SPATA16: variants seen among roughly 807,000 people sequenced by gnomAD.
The protein encoded by SPATA16 is spermatogenesis-associated protein 16.
SPATA16 carries 36 observed loss-of-function variants against 63.3 expected under a neutral mutation model. That is an observed-to-expected ratio of 0.57 (90% confidence interval 0.44 to 0.75). The LOEUF (loss-of-function observed/expected upper bound fraction) is 0.75. SPATA16 is among the 30% of genes least tolerant of loss of function. The pLI is 0.00. For missense variants in SPATA16, 646 were observed against 679.3 expected (o/e 0.95, Z 0.54); for synonymous variants, 203 against 216.7 (o/e 0.94, Z 0.56).
At chr3:172,948,537 G>A (rs1733350469) in intron 6 of SPATA16, among the ~76,000 whole-genome samples, 1 of 152,046 alleles carries the variant, frequency 6.6e-6, no homozygotes, top group African/African-American at 2.4e-5. Flanking sequence ...CTGTGATCAT[G>A]GCTCACTGCA....
intron 4 of SPATA16, among the ~76,000 whole-genome samples, chr3:173,016,287 A>G (rs1577133155): frequency 6.6e-6 from 1 of 152,186 alleles, no homozygotes; most frequent in South Asian, 2.1e-4. Context: ...TGTAAACCTG[A>G]TATCTTCCCT....
At chr3:173,020,158 A>T (rs930748408) in intron 3 of SPATA16, among the ~76,000 whole-genome samples, 4 of 152,026 alleles carry the variant, frequency 2.6e-5, no homozygotes, top group Non-Finnish European at 2.9e-5. Flanking sequence ...TTAGCCAGGC[A>T]TGGTGGCAGG....
At position 173,018,798 on chromosome 3, in the gene SPATA16, C is replaced by T. The variant is rs571592069; in HGVS notation, c.848+688G>A. ...GATGAGGAAGAAATAACAGGCACCT[C>T]TACATTAGGAAATAAGGAAAATTAT... On this transcript the variant is annotated intron_variant, in intron 4 of 10. Transcript: ENST00000351008. Among the ~76,000 whole-genome samples, 6 of 152,138 alleles carry T rather than the reference C, an allele frequency of 3.9e-5. No individual in the cohort carries two copies. In the South Asian group the frequency reaches 1.2e-3, roughly 32 times the overall value.
intron 4 of SPATA16, among the ~76,000 whole-genome samples, chr3:172,988,790 T>C (rs2108259290): frequency 6.6e-6 from 1 of 152,078 alleles, no homozygotes; most frequent in East Asian, 1.9e-4. Flanking sequence ...GTGCCCACCA[T>C]CACGTCCAGC....
chr3:172,904,463 G>A (rs1732192926), intron 10 of SPATA16, among the ~76,000 whole-genome samples: 1 of 152,108 alleles, frequency 6.6e-6, no homozygotes, highest in African/African-American at 2.4e-5. Context: ...CCTAGATGAG[G>A]GCCATGCCAT....
chr3:172,915,828 G>A (rs1732471239), intron 9 of SPATA16, among the ~76,000 whole-genome samples: 1 of 152,084 alleles, frequency 6.6e-6, no homozygotes, highest in African/African-American at 2.4e-5. Flanking sequence ...AACAGCTTTT[G>A]TTGATTTATC....
intron 10 of SPATA16, among the ~76,000 whole-genome samples, chr3:172,911,492 G>T (rs1254481725): frequency 6.6e-6 from 1 of 152,154 alleles, no homozygotes; most frequent in African/African-American, 2.4e-5. Context: ...ACAACTTACT[G>T]TTCTCCTTTG....
At chr3:173,132,123 T>A (rs956054180) in intron 1 of SPATA16, among the ~76,000 whole-genome samples, 1 of 152,116 alleles carries the variant, frequency 6.6e-6, no homozygotes, top group Non-Finnish European at 1.5e-5. Flanking sequence ...TTATAGAGTA[T>A]TAGATTCTAT....
chr3:173,088,934 G>A (rs1382747912), intron 2 of SPATA16, among the ~76,000 whole-genome samples: 2 of 152,146 alleles, frequency 1.3e-5, no homozygotes, highest in Non-Finnish European at 2.9e-5. Context: ...TATTCTGGAA[G>A]GCAGATTTTG....
chr3:172,997,492 G>T (rs977851164), intron 4 of SPATA16, among the ~76,000 whole-genome samples: 4 of 151,776 alleles, frequency 2.6e-5, no homozygotes, highest in African/African-American at 7.3e-5. Context: ...AGAGTTCTTT[G>T]TATATTTTGG....
chr3:173,004,341 T>C (rs575515228), intron 4 of SPATA16, among the ~76,000 whole-genome samples: 1 of 151,998 alleles, frequency 6.6e-6, no homozygotes, highest in South Asian at 2.1e-4. Flanking sequence ...CCTTTCCATC[T>C]TGGGGGACTC....
intron 2 of SPATA16, among the ~76,000 whole-genome samples, chr3:173,096,645 A>G (rs566003362): frequency 1.3e-5 from 2 of 152,214 alleles, no homozygotes; most frequent in African/African-American, 4.8e-5. Flanking sequence ...AGACCTTCTA[A>G]TACACAGCTG....
chr3:172,900,078 A>G (rs1732096225), intron 10 of SPATA16, among the ~76,000 whole-genome samples: 4 of 152,104 alleles, frequency 2.6e-5, no homozygotes, highest in Admixed American at 6.5e-5. Flanking sequence ...ATTCCTTTCT[A>G]TTCAGAAAAC....
chr3:172,947,392 C>A (rs1310011188), intron 6 of SPATA16, among the ~76,000 whole-genome samples: 1 of 150,354 alleles, frequency 6.7e-6, no homozygotes, highest in African/African-American at 2.5e-5. Flanking sequence ...ACATAAGGCA[C>A]CAGGGAACCC....
intron 10 of SPATA16, among the ~76,000 whole-genome samples, chr3:172,907,535 C>T (rs75852624): frequency 0.015 from 2,342 of 152,048 alleles, 49 homozygotes; most frequent in African/African-American, 0.053. Context: ...GCTTGCTGTT[C>T]CTTGTGCATG....
chr3:173,088,379 G>T (rs1214254210), intron 2 of SPATA16, among the ~76,000 whole-genome samples: 2 of 151,766 alleles, frequency 1.3e-5, no homozygotes, highest in Non-Finnish European at 2.9e-5. Flanking sequence ...CACTGCACTT[G>T]GTCGCCAAAG....
intron 2 of SPATA16, among the ~76,000 whole-genome samples, chr3:173,091,190 C>T (rs77035727): frequency 0.034 from 5,101 of 152,156 alleles, 114 homozygotes; most frequent in Non-Finnish European, 0.05. Context: ...TTTCTTGTAA[C>T]CTTCTTTGTC....
At chr3:173,075,648 T>G (rs1020864424) in intron 2 of SPATA16, among the ~76,000 whole-genome samples, 1 of 152,156 alleles carries the variant, frequency 6.6e-6, no homozygotes, top group Non-Finnish European at 1.5e-5. Context: ...GAAGACATTA[T>G]GTTAAGTGAA....
rs192087582 is a variant in SPATA16, at chr3:173,117,800, G to T, written c.-18-51C>A. The T allele has an allele frequency of 1.0e-3, 1,676 of 1,612,166 alleles. 18 individuals carry two copies. The highest frequency in any genetic ancestry group is 2.5e-4 in the Non-Finnish European group (290 of 1,179,714). ...AATTAAGGCAATATTTTGAATTCCA[G>T]TGGTTTAGACTATAGTCAAATTCAT... On this transcript the variant is annotated intron_variant, in intron 1 of 10. Coordinates refer to ENST00000351008, the MANE Select transcript of SPATA16 (RefSeq NM_031955.6).
Sources: allele counts gnomAD v4.1 joint callset (sites outside exome capture counted in the v4.1 genomes callset), GRCh38; gene constraint gnomAD v4.1.1; transcripts MANE v1.5; gene names NCBI Gene and HGNC (gene_info 2026-07-23, HGNC 2026-07-21).